The following PLAC1 variants were observed in gnomAD, a reference collection of about 807,000 sequenced individuals.
PLAC1 encodes the protein placenta-specific protein 1.
For missense variants in PLAC1, 136 were observed against 163.2 expected (o/e 0.83, Z 0.91); for synonymous variants, 68 against 62.1 (o/e 1.09, Z -0.44).
intron 1 of PLAC1, among the ~76,000 whole-genome samples, chrX:134,754,614 AT>A (rs753826543): frequency 2.2e-4 from 24 of 111,154 alleles, no homozygotes; most frequent in Admixed American, 3.8e-4. Context: ...ATTAGATGTA[AT>A]AGAAAAATCC....
chrX:134,624,319 C>A (rs186280005), intron 1 of PLAC1, among the ~76,000 whole-genome samples: 5 of 111,978 alleles, frequency 4.5e-5, no homozygotes, highest in African/African-American at 1.6e-4. Context: ...GATCAAGGTC[C>A]ATGGCTAAAC....
chrX:134,762,571 C>G (rs1242974544), intron 1 of PLAC1, among the ~76,000 whole-genome samples: 1 of 110,435 alleles, frequency 9.1e-6, no homozygotes, highest in Non-Finnish European at 1.9e-5. Context: ...ACCTGTAATC[C>G]CAGCACTTTG....
At position 134,566,066 on chromosome X, in the gene PLAC1, T is replaced by A; in HGVS notation, c.617A>T (p.Asp206Val). The A allele has an allele frequency of 2.5e-6, 3 of 1,210,038 alleles. No homozygotes were observed. The highest frequency in any genetic ancestry group is 3.4e-6 in the Non-Finnish European group (3 of 894,025). Reference sequence around the variant, plus strand: ...GGATCACATGGACCCAATCATATCATCTGTGTGAAGAGACCAATCCTCAGA... The same window carrying A: ...GGATCACATGGACCCAATCATATCAACTGTGTGAAGAGACCAATCCTCAGA... ...DISEDWSLHT[D>V]DMIGSM Residue 206 changes from aspartate to valine, a missense_variant, in exon 3 of 3, where the codon GAT becomes GTT. Transcript: ENST00000359237.
At chrX:134,581,405 A>G (rs1188458850) in intron 2 of PLAC1, among the ~76,000 whole-genome samples, 3 of 109,276 alleles carry the variant, frequency 2.7e-5, no homozygotes, top group Non-Finnish European at 5.7e-5. Flanking sequence ...TAAAACCACT[A>G]GCTTGGGTTG....
At chrX:134,744,141 T>G (rs963804192) in intron 1 of PLAC1, among the ~76,000 whole-genome samples, 6 of 110,333 alleles carry the variant, frequency 5.4e-5, no homozygotes, top group Admixed American at 1.9e-4. Context: ...AAAAATTAGC[T>G]GGGTGTGGCA....
chrX:134,645,097 G>A (rs1275476800), intron 1 of PLAC1, among the ~76,000 whole-genome samples: 1 of 111,603 alleles, frequency 9.0e-6, no homozygotes, highest in Admixed American at 9.5e-5. Flanking sequence ...TTATATGTAT[G>A]TACTCTCTGC....
chrX:134,654,647 C>T (rs1460374666), intron 1 of PLAC1, among the ~76,000 whole-genome samples: 1 of 112,293 alleles, frequency 8.9e-6, no homozygotes. Flanking sequence ...TGGCTCACCT[C>T]TCTCATTCCT....
chrX:134,754,002 T>TA (rs1290118229), intron 1 of PLAC1, among the ~76,000 whole-genome samples: 2 of 112,554 alleles, frequency 1.8e-5, no homozygotes, highest in Non-Finnish European at 3.7e-5. Flanking sequence ...AAATATTGCA[T>TA]ATAGCATCTG....
chrX:134,578,515 C>CTTTTT (rs766626696), intron 2 of PLAC1, among the ~76,000 whole-genome samples: 308 of 55,681 alleles, frequency 5.5e-3, no homozygotes, highest in Non-Finnish European at 6.8e-3. Flanking sequence ...TTCTTTCTTT[C>CTTTTT]TTTTTTTTTT....
intron 2 of PLAC1, among the ~76,000 whole-genome samples, chrX:134,586,828 G>A (rs1162978389): frequency 5.4e-5 from 3 of 55,046 alleles, no homozygotes; most frequent in African/African-American, 1.6e-4. Context: ...GCACTACCAC[G>A]CCCAGCTAAT....
At chrX:134,681,739 A>C (rs1327768501) in intron 2 of PLAC1, among the ~76,000 whole-genome samples, 1 of 111,574 alleles carries the variant, frequency 9.0e-6, no homozygotes, top group African/African-American at 3.3e-5. Context: ...GGCACATAGT[A>C]GAAACTGAAA....
intron 1 of PLAC1, among the ~76,000 whole-genome samples, chrX:134,645,167 C>A (rs1469766988): frequency 9.0e-6 from 1 of 111,407 alleles, no homozygotes; most frequent in African/African-American, 3.3e-5. Flanking sequence ...TAATTCAGTA[C>A]CTTTGTTTAA....
intron 2 of PLAC1, among the ~76,000 whole-genome samples, chrX:134,672,882 T>A (rs1417072551): frequency 2.1e-4 from 24 of 112,676 alleles, no homozygotes; most frequent in Non-Finnish European, 7.5e-5. Flanking sequence ...CCATAAATCC[T>A]GTCATTTCAG....
At chrX:134,739,044 C>T (rs2078710531) in intron 1 of PLAC1, among the ~76,000 whole-genome samples, 3 of 112,078 alleles carry the variant, frequency 2.7e-5, no homozygotes, top group African/African-American at 9.7e-5. Context: ...GCCTTGTTAT[C>T]CTGAAGTATA....
intron 1 of PLAC1, among the ~76,000 whole-genome samples, chrX:134,641,957 T>C (rs1040357564): frequency 1.8e-5 from 2 of 112,236 alleles, no homozygotes; most frequent in African/African-American, 6.5e-5. Flanking sequence ...GTGTTTCAGA[T>C]GAGATTGGAA....
chrX:134,746,899 T>C (rs1235538376), intron 1 of PLAC1, among the ~76,000 whole-genome samples: 1 of 112,125 alleles, frequency 8.9e-6, no homozygotes, highest in African/African-American at 3.2e-5. Flanking sequence ...GGATTTTGTT[T>C]TTCAAATCAT....
At chrX:134,569,739 A>AGTGTGTGTGTGT (rs749953575) in intron 2 of PLAC1, among the ~76,000 whole-genome samples, 113 of 72,146 alleles carry the variant, frequency 1.6e-3, no homozygotes, top group Non-Finnish European at 1.8e-3. Context: ...AGGGTAGAGT[A>AGTGTGTGTGTGT]GTGTGTGTGT....
chrX:134,576,180 TATCTA>T (rs1167231121), intron 2 of PLAC1, among the ~76,000 whole-genome samples: 1 of 108,441 alleles, frequency 9.2e-6, no homozygotes, highest in African/African-American at 3.3e-5. Flanking sequence ...TATATATCTA[TATCTA>T]TTCTATATCT....
intron 1 of PLAC1, among the ~76,000 whole-genome samples, chrX:134,748,327 T>A (rs2078733697): frequency 1.0e-5 from 1 of 96,124 alleles, no homozygotes. Context: ...AGAGACTCCA[T>A]CTCAAAAAAA....
Sources: gnomAD v4.1 joint callset for allele counts (sites outside exome capture counted in the v4.1 genomes callset) on GRCh38, gnomAD v4.1.1 for gene constraint, MANE v1.5 for transcripts, NCBI Gene and HGNC (gene_info 2026-07-23, HGNC 2026-07-21) for gene names.